MYLK: variants seen among roughly 807,000 people sequenced by gnomAD.
MYLK encodes the protein myosin light chain kinase, also known as myosin light chain kinase, smooth muscle.
MYLK carries 106 observed loss-of-function variants against 203.4 expected under a neutral mutation model. That is an observed-to-expected ratio of 0.52 (90% CI 0.45 to 0.61). The LOEUF (loss-of-function observed/expected upper bound fraction) is 0.61. Ranked by LOEUF, MYLK falls within the 20% of genes least tolerant of loss-of-function variation. The pLI, the probability that MYLK is intolerant of heterozygous loss-of-function variation, is 0.00. For missense variants in MYLK, 2,072 were observed against 2,442.3 expected (o/e 0.85, Z 3.20); for synonymous variants, 867 against 959.5 (o/e 0.90, Z 1.78).
intron 13 of MYLK, among the ~76,000 whole-genome samples, chr3:123,718,028 ATTTTTGTGT>A (rs2061961756): frequency 6.6e-6 from 1 of 151,954 alleles, no homozygotes; most frequent in African/African-American, 2.4e-5. Context: ...CTCCCGGCTA[ATTTTTGTGT>A]TTTTTGTGGA....
chr3:123,804,412 C>T (rs1238698477), intron 3 of MYLK, among the ~76,000 whole-genome samples: 2 of 152,054 alleles, frequency 1.3e-5, no homozygotes, highest in Non-Finnish European at 2.9e-5. Context: ...CCTGCCCTCC[C>T]CTCCTCTCCA....
At chr3:123,719,423 T>G (rs1319104570) in intron 13 of MYLK, among the ~76,000 whole-genome samples, 1 of 152,232 alleles carries the variant, frequency 6.6e-6, no homozygotes, top group African/African-American at 2.4e-5. Context: ...GTGGATCCTT[T>G]GGGAAAACCC....
intron 11 of MYLK, among the ~76,000 whole-genome samples, chr3:123,730,797 G>A (rs2062448240): frequency 6.6e-6 from 1 of 152,126 alleles, no homozygotes; most frequent in African/African-American, 2.4e-5. Flanking sequence ...GGATTTTTTT[G>A]GGAGGGGTAG....
intron 19 of MYLK, chr3:123,691,175 A>T (rs2060646665): frequency 6.6e-6 from 1 of 152,190 alleles, no homozygotes; most frequent in African/African-American, 2.4e-5. Context: ...AAACGAGCAG[A>T]GGGGTGTTAG....
chr3:123,684,347 A>G (rs2060374591), intron 19 of MYLK, among the ~76,000 whole-genome samples: 1 of 152,174 alleles, frequency 6.6e-6, no homozygotes, highest in Admixed American at 6.5e-5. Context: ...GAGTGGCTCC[A>G]GGACTATTCC....
intron 4 of MYLK, among the ~76,000 whole-genome samples, chr3:123,756,543 T>C (rs2063364983): frequency 6.6e-6 from 1 of 152,180 alleles, no homozygotes; most frequent in African/African-American, 2.4e-5. Flanking sequence ...TATCTAAGGT[T>C]CCTCCCATCT....
rs578020271 is a variant in MYLK at position 123,629,371 on chromosome 3, CG to C, written c.5114+102del. The C allele has an allele frequency of 5.5e-4, 768 of 1,394,162 alleles. 2 individuals carry two copies. In the African/African-American group the frequency reaches 9.9e-3, roughly 18 times the overall value. 86.4% of individuals were successfully genotyped at this position (1,394,162 alleles called of 1,614,324 possible). A position where few individuals can be genotyped will look rare whatever the true frequency, so the allele number is the denominator to read the frequency against. On this transcript the variant is annotated intron_variant, in intron 30 of 33. Transcript: ENST00000360304. The surrounding 1 kb of genome is among the most constrained non-coding windows in gnomAD (Gnocchi z 4.4). ...AGGGAATGCTAGGAACGACCCAAGG[CG>C]GGGTGGCAAGGAGGGCACCCCAACA...
intron 27 of MYLK, among the ~76,000 whole-genome samples, chr3:123,646,685 C>T (rs564863344): frequency 6.6e-6 from 1 of 152,328 alleles, no homozygotes; most frequent in African/African-American, 2.4e-5. Context: ...AGGGAAAGCA[C>T]CACTCTTTAG....
At chr3:123,834,658 A>G (rs1007248547) in intron 2 of MYLK, among the ~76,000 whole-genome samples, 2 of 152,182 alleles carry the variant, frequency 1.3e-5, no homozygotes, top group Admixed American at 6.5e-5. Context: ...AATGTCCTAC[A>G]TTAAATAGAA....
intron 4 of MYLK, among the ~76,000 whole-genome samples, chr3:123,754,935 C>T (rs2063317535): frequency 6.6e-6 from 1 of 152,130 alleles, no homozygotes; most frequent in Non-Finnish European, 1.5e-5. Context: ...AGATGTCATG[C>T]GCCCATATAA....
chr3:123,646,447 C>A (rs1169781747), intron 27 of MYLK, among the ~76,000 whole-genome samples: 3 of 152,146 alleles, frequency 2.0e-5, no homozygotes, highest in Admixed American at 6.5e-5. Flanking sequence ...AAAAAGGAAA[C>A]TGTTAAGAAT....
At chr3:123,735,463 T>C in intron 8 of MYLK, 47 bp from the exon 9 acceptor site, 1 of 1,612,258 alleles carries the variant, frequency 6.2e-7, no homozygotes, top group South Asian at 1.1e-5. Flanking sequence ...GAATGCTGTA[T>C]ACACCAAAAT....
At chr3:123,741,870 C>T (rs1382384929) in intron 5 of MYLK, among the ~76,000 whole-genome samples, 5 of 152,116 alleles carry the variant, frequency 3.3e-5, no homozygotes, top group Admixed American at 1.3e-4. Flanking sequence ...TTATCTCATT[C>T]GTTCCTCAGC....
intron 2 of MYLK, among the ~76,000 whole-genome samples, chr3:123,844,503 C>G (rs1415749839): frequency 6.6e-6 from 1 of 152,106 alleles, no homozygotes; most frequent in African/African-American, 2.4e-5. Flanking sequence ...TTCTTAGAAT[C>G]CTAAAATATA....
chr3:123,884,315 G>C lies in MYLK; in HGVS notation c.-295C>G, dbSNP rs957460430. On this transcript the variant is annotated 5_prime_UTR_variant, in exon 1 of 34. Transcript: ENST00000360304. ...CTCGCTCAGCGCCCTGCTGCCGACC[G>C]GGCGGCGCGGGGAGCCCGCGAGGCG... 4.8e-5 allele frequency: 7 copies of C among 146,898 alleles called. No individual in the cohort carries two copies. The highest frequency in any genetic ancestry group is 1.2e-4 in the African/African-American group (5 of 40,752). 9.1% of individuals were successfully genotyped at this position (146,898 alleles called of 1,614,324 possible).
At chr3:123,821,087 C>G (rs1682195458) in intron 3 of MYLK, among the ~76,000 whole-genome samples, 1 of 152,128 alleles carries the variant, frequency 6.6e-6, no homozygotes, top group South Asian at 2.1e-4. Flanking sequence ...CCTCCCTCCC[C>G]ACTACAAAAT....
chr3:123,637,945 A>G, intron 29 of MYLK, 126 bp downstream of exon 29: 1 of 1,436,342 alleles, frequency 7.0e-7, no homozygotes, highest in South Asian at 1.2e-5. Flanking sequence ...CACCCTCCTG[A>G]CTCTGGGGGG....
chr3:123,872,708 C>T (rs2032882618), intron 2 of MYLK, among the ~76,000 whole-genome samples: 1 of 152,082 alleles, frequency 6.6e-6, no homozygotes, highest in Non-Finnish European at 1.5e-5. Flanking sequence ...ACTTCCATGC[C>T]CTCTCCAGGC....
chr3:123,734,659 C>T lies in MYLK; in HGVS notation c.774-437G>A, dbSNP rs570140689. ...CTACTTTAAGAATGAAACTGAGCCC[C>T]ACAAGAGGGCCCACAGGAATGCCAG... On this transcript the variant is annotated intron_variant, in intron 9 of 33. Transcript: ENST00000360304. 9 of 159,088 alleles carry T rather than the reference C, an allele frequency of 5.7e-5. No homozygotes were observed. In the South Asian group the frequency reaches 1.7e-3, roughly 30 times the overall value. The allele number at this position is 159,088 out of a possible 1,614,324, so 9.9% of individuals were successfully genotyped here.
Sources: gnomAD v4.1 joint callset for allele counts (sites outside exome capture counted in the v4.1 genomes callset) on GRCh38, gnomAD v4.1.1 for gene constraint, Gnocchi (gnomAD v3.1) non-coding constraint, MANE v1.5 for transcripts, NCBI Gene and HGNC (gene_info 2026-07-23, HGNC 2026-07-21) for gene names.